The following ERBB4 variants were observed in gnomAD, a reference collection of about 807,000 sequenced individuals.
The protein encoded by ERBB4 is erb-b2 receptor tyrosine kinase 4, also known as receptor tyrosine-protein kinase erbB-4.
In ERBB4, 42 loss-of-function variants were observed where a neutral mutation model predicts 158.0. The observed-to-expected ratio is 0.27, with a 90% CI of 0.21 to 0.34. The LOEUF is 0.34. Among genes scored for constraint, ERBB4 ranks in the 10% least tolerant of loss-of-function variants. ERBB4 has a pLI of 1.00. For missense variants in ERBB4, 1,333 were observed against 1,624.1 expected, an observed-to-expected ratio of 0.82 and a Z score of 3.08; for synonymous variants, 583 against 558.7, an observed-to-expected ratio of 1.04 and a Z score of -0.61.
chr2:212,346,280 T>C (rs1054251043), intron 1 of ERBB4, among the ~76,000 whole-genome samples: 1 of 147,484 alleles, frequency 6.8e-6, no homozygotes, highest in Admixed American at 6.9e-5. Flanking sequence ...AAGTATTTGA[T>C]ACCTATTTTT....
In ERBB4 at chr2:211,424,138, T is replaced by C. The variant is rs1328854395; in HGVS notation, c.2866+17A>G. The C allele has an allele frequency of 1.9e-6, 3 of 1,609,704 alleles. No homozygotes were observed. The highest frequency in any genetic ancestry group is 1.7e-6 in the Non-Finnish European group (2 of 1,176,294). On this transcript the variant is annotated intron_variant, in intron 23 of 27. Transcript: ENST00000342788. Reference sequence around the variant, plus strand: ...ACTAAGAATGATGATGGTGATAACATTATTTTGCAGTCTTACATTTGACCA... The same window carrying C: ...ACTAAGAATGATGATGGTGATAACACTATTTTGCAGTCTTACATTTGACCA...
At chr2:211,514,216 T>A in intron 20 of ERBB4, among the ~76,000 whole-genome samples, 1 of 152,112 alleles carries the variant, frequency 6.6e-6, no homozygotes, top group Non-Finnish European at 1.5e-5. Context: ...CTCCCACATA[T>A]TAGAGCGAAC....
chr2:211,561,807 A>C, intron 20 of ERBB4, 96 bp downstream of exon 20: 1 of 1,094,578 alleles, frequency 9.1e-7, no homozygotes, highest in Non-Finnish European at 1.4e-6. Context: ...ATTTTATTTA[A>C]ATGGGAAGAC....
At chr2:211,431,952 C>A (rs2063755628) in intron 20 of ERBB4, among the ~76,000 whole-genome samples, 5 of 151,958 alleles carry the variant, frequency 3.3e-5, no homozygotes, top group Admixed American at 3.3e-4. Flanking sequence ...GTAATAATTA[C>A]TTTATTAATT....
intron 1 of ERBB4, among the ~76,000 whole-genome samples, chr2:212,129,046 G>A (rs967392083): frequency 1.1e-4 from 16 of 151,940 alleles, no homozygotes; most frequent in African/African-American, 3.6e-4. Flanking sequence ...ATGAAATATA[G>A]ATTTTAATTA....
At chr2:212,381,029 G>C (rs1334860573) in intron 1 of ERBB4, among the ~76,000 whole-genome samples, 1 of 151,090 alleles carries the variant, frequency 6.6e-6, no homozygotes, top group Non-Finnish European at 1.5e-5. Context: ...CCATAATTTA[G>C]AAAACAATAG....
intron 19 of ERBB4, among the ~76,000 whole-genome samples, chr2:211,611,381 C>G (rs1408476650): frequency 8.8e-6 from 1 of 113,384 alleles, no homozygotes; most frequent in African/African-American, 3.5e-5. Flanking sequence ...AAAGGCAACC[C>G]TTCTGGGTCC....
intron 2 of ERBB4, among the ~76,000 whole-genome samples, chr2:212,044,776 G>A (rs572489031): frequency 1.3e-5 from 2 of 152,182 alleles, no homozygotes; most frequent in East Asian, 3.9e-4. Flanking sequence ...AATCTTTTAT[G>A]TCCCAAAGTC....
intron 3 of ERBB4, among the ~76,000 whole-genome samples, chr2:211,814,245 C>A (rs568568880): frequency 2.6e-5 from 4 of 152,218 alleles, no homozygotes; most frequent in Non-Finnish European, 4.4e-5. Context: ...AAATTCTAAA[C>A]TTCACTTTCT....
At chr2:211,560,780 C>A (rs2067370203) in intron 20 of ERBB4, among the ~76,000 whole-genome samples, 1 of 152,128 alleles carries the variant, frequency 6.6e-6, no homozygotes, top group Non-Finnish European at 1.5e-5. Context: ...CATAAGGAAA[C>A]TCTACTGCGA....
intron 12 of ERBB4, among the ~76,000 whole-genome samples, chr2:211,699,085 C>A (rs1471765894): frequency 6.6e-6 from 1 of 152,152 alleles, no homozygotes; most frequent in Non-Finnish European, 1.5e-5. Flanking sequence ...AACACCATTA[C>A]AAATGAAGGA....
intron 3 of ERBB4, among the ~76,000 whole-genome samples, chr2:211,933,139 T>C (rs2080221853): frequency 6.6e-6 from 1 of 152,042 alleles, no homozygotes; most frequent in Admixed American, 6.6e-5. Context: ...TTGATTCACC[T>C]CTTTTCCCTG....
intron 14 of ERBB4, among the ~76,000 whole-genome samples, chr2:211,666,345 A>T (rs2071627710): frequency 6.6e-6 from 1 of 152,146 alleles, no homozygotes; most frequent in South Asian, 2.1e-4. Flanking sequence ...TATAAATATG[A>T]GTATAATAAA....
At chr2:212,459,119 T>C (rs1688447298) in intron 1 of ERBB4, among the ~76,000 whole-genome samples, 1 of 152,206 alleles carries the variant, frequency 6.6e-6, no homozygotes, top group South Asian at 2.1e-4. Flanking sequence ...GCCATATATC[T>C]GAAGGCTTTT....
At chr2:211,792,027 G>C (rs2076289021) in intron 3 of ERBB4, among the ~76,000 whole-genome samples, 1 of 151,656 alleles carries the variant, frequency 6.6e-6, no homozygotes, top group South Asian at 2.1e-4. Flanking sequence ...TTTCAGTGCT[G>C]TATCTATAGC....
intron 2 of ERBB4, among the ~76,000 whole-genome samples, chr2:212,101,583 G>A (rs998579294): frequency 1.3e-5 from 2 of 151,574 alleles, no homozygotes; most frequent in African/African-American, 4.8e-5. Flanking sequence ...AGAGCAGTAA[G>A]AATTAAAATT....
chr2:211,989,387 A>G (rs1326885809), intron 2 of ERBB4, among the ~76,000 whole-genome samples: 1 of 151,966 alleles, frequency 6.6e-6, no homozygotes, highest in Admixed American at 6.6e-5. Context: ...TTTGAATTTT[A>G]CAACTATCAA....
intron 1 of ERBB4, among the ~76,000 whole-genome samples, chr2:212,451,488 T>C (rs535397428): frequency 6.8e-4 from 104 of 152,360 alleles, no homozygotes; most frequent in Non-Finnish European, 1.2e-3. Context: ...TGTCCTCATA[T>C]GTTTTGATGC....
intron 2 of ERBB4, among the ~76,000 whole-genome samples, chr2:211,957,957 G>T (rs1373825277): frequency 6.6e-6 from 1 of 152,066 alleles, no homozygotes; most frequent in East Asian, 1.9e-4. Context: ...AGCTGCCTCT[G>T]TTGAAAAGCA....
Sources: gnomAD v4.1 joint callset for allele counts (sites outside exome capture counted in the v4.1 genomes callset) on GRCh38, gnomAD v4.1.1 for gene constraint, MANE v1.5 for transcripts, NCBI Gene and HGNC (gene_info 2026-07-23, HGNC 2026-07-21) for gene names.